WASF3: variants seen among roughly 807,000 people sequenced by gnomAD.
WASF3 encodes WASP family member 3, also known as actin-binding protein WASF3.
In WASF3, 11 loss-of-function variants were observed where a neutral mutation model predicts 46.6. That is an observed-to-expected ratio of 0.24 (90% confidence interval 0.15 to 0.39). The LOEUF (loss-of-function observed/expected upper bound fraction) is 0.39. WASF3 is among the 10% of genes least tolerant of loss of function. The pLI, the probability that WASF3 is intolerant of heterozygous loss-of-function variation, is 1.00. For missense variants in WASF3, 576 were observed against 669.8 expected (o/e 0.86, Z 1.55); for synonymous variants, 242 against 259.7 (o/e 0.93, Z 0.65).
chr13:26,574,464 A>ATTT (rs149577585), intron 1 of WASF3, among the ~76,000 whole-genome samples: 1 of 147,674 alleles, frequency 6.8e-6, no homozygotes, highest in African/African-American at 2.5e-5. Context: ...TTTTGTCTTG[A>ATTT]TTTTTTTTTT....
In WASF3 at chr13:26,671,854, C is replaced by T. The variant is rs772660217; in HGVS notation, c.423-18C>T. 1.3e-6 allele frequency: 2 copies of T among 1,513,728 alleles called. No homozygotes were observed. Among genetic ancestry groups the T allele is most frequent in the Middle Eastern group, 3.4e-4 (2 of 5,816 alleles). The allele number at this position is 1,513,728 out of a possible 1,614,324, so 93.8% of individuals were successfully genotyped here. A position where few individuals can be genotyped will look rare whatever the true frequency, so the allele number is the denominator to read the frequency against. ...TAACAATCTTTTCTTCCCTGACTTACAATACATTGATTTGTAGAGATGACA... is the reference window on the plus strand; with the variant it reads ...TAACAATCTTTTCTTCCCTGACTTATAATACATTGATTTGTAGAGATGACA... On this transcript the variant is annotated intron_variant, in intron 5 of 9. Coordinates refer to ENST00000335327, the MANE Select transcript of WASF3 (RefSeq NM_006646.6).
rs74040643 is a variant in WASF3, at chr13:26,664,299, G to A, written c.134-729G>A. ...GTGAGATGTGCCTTGCACACTCAGA[G>A]TAGGCAGCTATTTAATATTTGTTGC... On this transcript the variant is annotated intron_variant, in intron 3 of 9. Transcript: ENST00000335327. Among the ~76,000 whole-genome samples, 1,359 of 152,358 alleles carry A rather than the reference G, an allele frequency of 8.9e-3. 17 individuals are homozygous for A. The highest frequency in any genetic ancestry group is 0.03 in the African/African-American group (1,268 of 41,584).
Position 26,636,419 on chromosome 13 carries a change from GC to G in WASF3, c.-10-5841del, listed in dbSNP as rs919164305. On this transcript the variant is annotated intron_variant, in intron 2 of 9. Transcript: ENST00000335327. ...CTGTTTTTCCAGGTAGTCTGTCATG[GC>G]TTCCCTTGACGAGGAAAGGGAAATC... is the stretch of plus-strand genomic sequence containing the variant. Among the ~76,000 whole-genome samples the G allele has an allele frequency of 1.2e-4, 19 of 152,176 alleles. 1 individual carries two copies. The highest frequency in any genetic ancestry group is 1.0e-3 in the Admixed American group (16 of 15,282).
At chr13:26,617,335 T>A (rs1482244796) in intron 2 of WASF3, among the ~76,000 whole-genome samples, 3 of 152,166 alleles carry the variant, frequency 2.0e-5, no homozygotes, top group African/African-American at 4.8e-5. Context: ...TCACCTTGAG[T>A]TTCTCTTGTG....
At chr13:26,601,897 C>G (rs575967711) in intron 1 of WASF3, among the ~76,000 whole-genome samples, 1 of 152,258 alleles carries the variant, frequency 6.6e-6, no homozygotes, top group African/African-American at 2.4e-5. Context: ...TCCTTTTTGC[C>G]AAGAGTGGGC....
chr13:26,628,556 G>C (rs146822468), intron 2 of WASF3, among the ~76,000 whole-genome samples: 6 of 152,308 alleles, frequency 3.9e-5, no homozygotes, highest in African/African-American at 1.4e-4. Context: ...GATCACCTGG[G>C]TTCCTTCCTG....
chr13:26,677,677 A>G (rs549966860), intron 7 of WASF3, among the ~76,000 whole-genome samples: 2 of 152,160 alleles, frequency 1.3e-5, no homozygotes, highest in African/African-American at 2.4e-5. Flanking sequence ...ACAAACTTCT[A>G]TTTGTTAAAT....
chr13:26,557,065 T>C (rs965912283), upstream of WASF3, among the ~76,000 whole-genome samples: 6 of 152,212 alleles, frequency 3.9e-5, no homozygotes, highest in Non-Finnish European at 7.3e-5. Flanking sequence ...GCTGGCAGTT[T>C]CAGGGATATC....
chr13:26,577,329 C>A lies in WASF3; in HGVS notation c.-109+19510C>A, dbSNP rs114107535. 2.0e-3 allele frequency: 1,549 copies of A among 756,412 alleles called. 20 individuals carry two copies. The African/African-American group carries it at 0.023, about 11-fold the overall frequency. The allele number at this position is 756,412 out of a possible 1,614,324, so 46.9% of individuals were successfully genotyped here. On this transcript the variant is annotated intron_variant, in intron 1 of 9. Coordinates refer to ENST00000335327, the MANE Select transcript of WASF3 (RefSeq NM_006646.6). ...TTTTCCTAAAAACAATGTAACAATCCGATATGGAAAACCTTTTATGCTCAG... is the reference window on the plus strand; with the variant it reads ...TTTTCCTAAAAACAATGTAACAATCAGATATGGAAAACCTTTTATGCTCAG...
At chr13:26,558,205 A>G (rs879501473) in intron 1 of WASF3, among the ~76,000 whole-genome samples, 17 of 151,554 alleles carry the variant, frequency 1.1e-4, no homozygotes, top group Admixed American at 5.9e-4. Flanking sequence ...CCCACGCACG[A>G]CGCCCCGGGC....
At chr13:26,590,358 A>G (rs549175744) in intron 1 of WASF3, among the ~76,000 whole-genome samples, 1 of 152,356 alleles carries the variant, frequency 6.6e-6, no homozygotes, top group East Asian at 1.9e-4. Flanking sequence ...CTTTAACTCC[A>G]GTAATAGTTT....
At chr13:26,663,771 C>T (rs1481225211) in intron 3 of WASF3, among the ~76,000 whole-genome samples, 2 of 152,098 alleles carry the variant, frequency 1.3e-5, no homozygotes, top group African/African-American at 2.4e-5. Flanking sequence ...AAGAAATTAT[C>T]GAGTGTTTCA....
chr13:26,634,783 A>T (rs1271881628), intron 2 of WASF3, among the ~76,000 whole-genome samples: 1 of 152,108 alleles, frequency 6.6e-6, no homozygotes, highest in Non-Finnish European at 1.5e-5. Flanking sequence ...TGGGTTGAAA[A>T]TTCTTTTCTT....
At chr13:26,669,787 C>G (rs1222318623) in intron 5 of WASF3, among the ~76,000 whole-genome samples, 2 of 152,256 alleles carry the variant, frequency 1.3e-5, no homozygotes, top group African/African-American at 4.8e-5. Flanking sequence ...GTGCTGGGAT[C>G]ACAGGCATCA....
chr13:26,623,065 G>A (rs1342341769), intron 2 of WASF3, among the ~76,000 whole-genome samples: 2 of 152,190 alleles, frequency 1.3e-5, no homozygotes, highest in Non-Finnish European at 2.9e-5. Flanking sequence ...GGGGGAACAG[G>A]TAACCATCAT....
chr13:26,616,364 G>A (rs183316155), intron 2 of WASF3, among the ~76,000 whole-genome samples: 56 of 152,242 alleles, frequency 3.7e-4, no homozygotes, highest in African/African-American at 1.3e-3. Context: ...GACTAATGCT[G>A]TTGAGCATTT....
chr13:26,553,843 CAGAG>C (rs559750375), upstream of WASF3, among the ~76,000 whole-genome samples: 21 of 151,166 alleles, frequency 1.4e-4, no homozygotes, highest in Non-Finnish European at 2.2e-4. Context: ...TATGGAGAGA[CAGAG>C]AGAGAGACTG....
In WASF3 at chr13:26,681,358, C is replaced by G. The variant is rs766260045; in HGVS notation, c.983+38C>G. On this transcript the variant is annotated intron_variant, in intron 8 of 9. Coordinates refer to ENST00000335327, the MANE Select transcript of WASF3 (RefSeq NM_006646.6). ...GCCTTGTACCCTAATCCCTCCTGGCCTTGCATTTGAATCTTGCTCTATGTG... is the reference window on the plus strand; with the variant it reads ...GCCTTGTACCCTAATCCCTCCTGGCGTTGCATTTGAATCTTGCTCTATGTG... The G allele has an allele frequency of 2.0e-6, 3 of 1,512,266 alleles. No homozygotes were observed. The African/African-American group carries it at 4.2e-5, about 21-fold the overall frequency. 93.7% of individuals were successfully genotyped at this position (1,512,266 alleles called of 1,614,324 possible).
intron 2 of WASF3, among the ~76,000 whole-genome samples, chr13:26,613,958 A>G (rs892215418): frequency 2.6e-5 from 4 of 152,188 alleles, no homozygotes; most frequent in African/African-American, 9.6e-5. Context: ...TAGTAGGGCA[A>G]GTTATTTCTT....
Sources: allele counts gnomAD v4.1 joint callset (sites outside exome capture counted in the v4.1 genomes callset), GRCh38; gene constraint gnomAD v4.1.1; transcripts MANE v1.5; gene names NCBI Gene and HGNC (gene_info 2026-07-23, HGNC 2026-07-21).